Variants in EML3 observed in about 807,000 individuals in gnomAD.
EML3 encodes the protein EMAP like 3.
In EML3, 53 loss-of-function variants were observed where a neutral mutation model predicts 106.7. That is an observed-to-expected ratio of 0.50 (90% CI 0.40 to 0.62). The LOEUF (loss-of-function observed/expected upper bound fraction) is 0.62. Among genes scored for constraint, EML3 ranks in the 20% least tolerant of loss-of-function variants. EML3 has a pLI of 0.00. For missense variants in EML3, 994 were observed against 1,209.1 expected, an observed-to-expected ratio of 0.82 and a Z score of 2.64; for synonymous variants, 499 against 489.6, an observed-to-expected ratio of 1.02 and a Z score of -0.25.
rs1274925960 is a variant in EML3, at chr11:62,607,096, A to G, written c.1366T>C (p.Tyr456His). 6.2e-7 allele frequency: 1 copy of G among 1,613,748 alleles called. No individual in the cohort carries two copies. Residue 456 changes from tyrosine (Y) to histidine (H), a missense_variant, in exon 12 of 22, where the codon TAC becomes CAC. By Grantham distance (83) the Tyr-to-His change is moderately conservative (BLOSUM62 2). Transcript: ENST00000394773. Reference sequence around the variant, plus strand: ...CAAGGGATAAACTTGGGTTTCTTGTATTTCTAGTGGGAGGGGAGAGCAGAC... The same window carrying G: ...CAAGGGATAAACTTGGGTTTCTTGTGTTTCTAGTGGGAGGGGAGAGCAGAC... ...LTRKQGVFGK[Y>H]KKPKFIPCFV...
At position 62,604,168 on chromosome 11, in the gene EML3, G is replaced by A. The variant is rs764514070; in HGVS notation, c.2016C>T (p.Ile672=). The A allele has an allele frequency of 6.2e-6, 10 of 1,613,754 alleles. No homozygotes were observed. The highest frequency in any genetic ancestry group is 3.3e-5 in the South Asian group (3 of 91,044). Residue 672 remains isoleucine, a synonymous_variant, in exon 17 of 22, where the codon ATC becomes ATT. Coordinates refer to ENST00000394773, the MANE Select transcript of EML3 (RefSeq NM_153265.3). ...CATTGCCATCAATGACATCAGACAC[G>A]ATCTCTCTGGTCTCTGTGTCCAAAA... ...WLVLDTETRE[I]VSDVIDGNEQ...
rs138198368 is a variant in EML3, at chr11:62,608,578, G to A, written c.1074C>T (p.Phe358=). 7.4e-6 allele frequency: 12 copies of A among 1,614,022 alleles called. No individual in the cohort carries two copies. The African/African-American group carries it at 9.3e-5, about 13-fold the overall frequency. The change falls in exon 9 of 22, where the codon TTC becomes TTT. Residue 358 remains phenylalanine, a synonymous_variant. Coordinates refer to ENST00000394773, the MANE Select transcript of EML3 (RefSeq NM_153265.3). ...LKLQEIGLGA[F]ERGVGALAFS... ...AGGCCAGGGCCCCAACACCCCGCTC[G>A]AAGGCCCCCAGTCCAATCTCCTGCA... is the stretch of plus-strand genomic sequence containing the variant.
intron 1 of EML3, 127 bp downstream of exon 1, chr11:62,612,309 G>A (rs1942871584): frequency 1.1e-6 from 1 of 930,578 alleles, no homozygotes; most frequent in Non-Finnish European, 1.6e-6. Context: ...AACTGTGGAG[G>A]ATGCTCGGAG....
chr11:62,606,152 G>A lies in EML3; in HGVS notation c.1567C>T (p.Arg523Trp), dbSNP rs762775845. The change falls in exon 13 of 22, where the codon CGG becomes TGG. Residue 523 changes from arginine to tryptophan, a missense_variant. By Grantham distance (101) the Arg-to-Trp change is moderately radical. Coordinates refer to ENST00000394773, the MANE Select transcript of EML3 (RefSeq NM_153265.3). The stretch of plus-strand genomic sequence containing the variant: ...CCACTCAGCACTGTCCCGTCCCTCC[G>A]GAGACACAAGGCGAAGATAGAACCT... ...HEGSIFALCLRRDGTVLSGGG... is the reference protein window; with the variant it reads ...HEGSIFALCLWRDGTVLSGGG... 1.1e-5 allele frequency: 17 copies of A among 1,613,982 alleles called. No individual in the cohort carries two copies. Among genetic ancestry groups the A allele is most frequent in the Admixed American group, 1.7e-5 (1 of 60,002 alleles).
In EML3 at chr11:62,606,944, T is replaced by G. The variant is rs760951146; in HGVS notation, c.1504+14A>C. The G allele has an allele frequency of 1.3e-6, 2 of 1,584,154 alleles. No individual in the cohort carries two copies. Among genetic ancestry groups the G allele is most frequent in the Non-Finnish European group, 1.7e-6 (2 of 1,160,306 alleles). On this transcript the variant is annotated intron_variant, in intron 12 of 21. Coordinates refer to ENST00000394773, the MANE Select transcript of EML3 (RefSeq NM_153265.3). ...GAGTACTACACTTCCCAGATGCCCC[T>G]CCCAGCCACATACCTTTGGCGCCAC...
chr11:62,612,115 T>G (rs1291874310), intron 1 of EML3: 2 of 468,472 alleles, frequency 4.3e-6, no homozygotes, highest in Non-Finnish European at 7.6e-6. Flanking sequence ...AGAGTCACAG[T>G]GAAGGTCTCA....
At chr11:62,611,751 G>T in intron 1 of EML3, 155 bp from the exon 2 acceptor site, 1 of 859,420 alleles carries the variant, frequency 1.2e-6, no homozygotes, top group Non-Finnish European at 1.7e-6. Flanking sequence ...AGGAGACGGT[G>T]GTAAAGGATC....
chr11:62,612,439 GC>G lies in EML3; in HGVS notation c.18del (p.Gly8ValfsTer12). On this transcript the variant is annotated frameshift_variant, in exon 1 of 22. Coordinates refer to ENST00000394773, the MANE Select transcript of EML3 (RefSeq NM_153265.3). LOFTEE classifies it high-confidence loss of function. Reference protein sequence around the residue: MDGAAGPGDGPAREAL... With the variant: MDGAAXPGDGPAREAL... ...GCCCGCCCCGCCCCGTACTCACCGG[GC>G]CCCGCGGCCCCGTCCATCCGGCCCC... 1 of 1,468,410 alleles carries G rather than the reference GC, an allele frequency of 6.8e-7. No homozygotes were observed. The highest frequency in any genetic ancestry group is 8.9e-7 in the Non-Finnish European group (1 of 1,118,448). The allele number at this position is 1,468,410 out of a possible 1,614,324, so 91.0% of individuals were successfully genotyped here. A position where few individuals can be genotyped will look rare whatever the true frequency, so the allele number is the denominator to read the frequency against.
chr11:62,603,328 A>T, intron 19 of EML3, 81 bp from the exon 20 acceptor site: 4 of 1,358,480 alleles, frequency 2.9e-6, no homozygotes, highest in Non-Finnish European at 4.2e-6. Flanking sequence ...GACTGGAAAG[A>T]CTGGCATGAA....
chr11:62,607,859 T>C (rs1440120988), intron 10 of EML3, 38 bp from the exon 11 acceptor site: 2 of 1,597,392 alleles, frequency 1.3e-6, no homozygotes, highest in African/African-American at 2.7e-5. Flanking sequence ...CCCCAAGCCC[T>C]GGGTACCTTC....
Position 62,603,259 on chromosome 11 carries a change from G to C in EML3, c.2258-12C>G. ...TCCAGCCACGTCCCCTGGGGAGAGGGAGCCCGCCCAGCTCAGCTCTCACCC... is the reference window on the plus strand; with the variant it reads ...TCCAGCCACGTCCCCTGGGGAGAGGCAGCCCGCCCAGCTCAGCTCTCACCC... On this transcript the variant is annotated splice_polypyrimidine_tract_variant and intron_variant, in intron 19 of 21. Coordinates refer to ENST00000394773, the MANE Select transcript of EML3 (RefSeq NM_153265.3). 5.0e-6 allele frequency: 8 copies of C among 1,611,834 alleles called. No homozygotes were observed. The highest frequency in any genetic ancestry group is 5.1e-6 in the Non-Finnish European group (6 of 1,179,370).
At chr11:62,609,173 G>A (rs1942684114) in intron 6 of EML3, 41 bp from the exon 7 acceptor site, 1 of 1,609,776 alleles carries the variant, frequency 6.2e-7, no homozygotes. Context: ...TTAGATCAAG[G>A]GCAGGAGGAG....
Position 62,604,025 on chromosome 11 carries a change from G to C in EML3, c.2088C>G (p.Ala696=), listed in dbSNP as rs1434363437. The change falls in exon 18 of 22, where the codon GCC becomes GCG. Residue 696 remains alanine, a synonymous_variant. Transcript: ENST00000394773. ...VRYSPDGLYL[A]IGSHDNVIYI... Reference sequence around the variant, plus strand: ...AGATCACGTTGTCATGGGAACCAATGGCCAGGTACAACCCATCTGCAAATA... The same window carrying C: ...AGATCACGTTGTCATGGGAACCAATCGCCAGGTACAACCCATCTGCAAATA... 6.2e-7 allele frequency: 1 copy of C among 1,614,016 alleles called. No homozygotes were observed. Among genetic ancestry groups the C allele is most frequent in the Non-Finnish European group, 8.5e-7 (1 of 1,180,018 alleles).
rs188386520 is a variant in EML3 at position 62,608,939 on chromosome 11, C to T, written c.929+23G>A. ...CCCCCCAGACCCTCTTCCTGCCAAG[C>T]CCACCAGCCCCGGACTCCTCACCAT... On this transcript the variant is annotated intron_variant, in intron 7 of 21. Coordinates refer to ENST00000394773, the MANE Select transcript of EML3 (RefSeq NM_153265.3). 1.1e-4 allele frequency: 180 copies of T among 1,610,382 alleles called. No individual in the cohort carries two copies. In the African/African-American group the frequency reaches 2.0e-3, roughly 18 times the overall value.
chr11:62,612,451 C>G lies in EML3; in HGVS notation c.7G>C (p.Gly3Arg). The G allele has an allele frequency of 1.4e-6, 2 of 1,462,866 alleles. No individual in the cohort carries two copies. Among genetic ancestry groups the G allele is most frequent in the Admixed American group, 2.5e-5 (1 of 39,222 alleles). 90.6% of individuals were successfully genotyped at this position (1,462,866 alleles called of 1,614,324 possible). Residue 3 changes from glycine to arginine, a missense_variant, in exon 1 of 22, where the codon GGG (glycine) becomes CGG (arginine). Gly to Arg is a moderately radical substitution (Grantham distance 125). Coordinates refer to ENST00000394773, the MANE Select transcript of EML3 (RefSeq NM_153265.3). MD[G>R]AAGPGDGPAR... ...CCGTACTCACCGGGCCCCGCGGCCC[C>G]GTCCATCCGGCCCCCGGGTTGCTCC... is the stretch of plus-strand genomic sequence containing the variant.
intron 12 of EML3, 51 bp from the exon 13 acceptor site, chr11:62,606,265 G>GA: frequency 6.3e-7 from 1 of 1,584,588 alleles, no homozygotes; most frequent in Non-Finnish European, 8.6e-7. Context: ...AGGGGAGTGA[G>GA]AAACAGGGCC....
At position 62,604,125 on chromosome 11, in the gene EML3, G is replaced by A. The variant is rs925982282; in HGVS notation, c.2059C>T (p.Arg687Trp). The A allele has an allele frequency of 6.8e-6, 11 of 1,613,986 alleles. No individual in the cohort carries two copies. The highest frequency in any genetic ancestry group is 1.6e-4 in the Middle Eastern group (1 of 6,062). ...IDGNEQLSVV[R>W]YSPDGLYLAI... is the part of the protein sequence containing the mutation. ...GGGTGGCTCCCACCTGGGCTGTACCGGACCACTGAGAGCTGCTCATTGCCA... is the reference window on the plus strand; with the variant it reads ...GGGTGGCTCCCACCTGGGCTGTACCAGACCACTGAGAGCTGCTCATTGCCA... Residue 687 changes from arginine to tryptophan, a missense_variant, in exon 17 of 22, where the codon CGG becomes TGG. Physicochemically the swap from Arg to Trp is moderately radical, Grantham distance 101 (BLOSUM62 -3). Transcript: ENST00000394773.
At chr11:62,602,979 G>A (rs1438193723) in intron 20 of EML3, 90 bp from the exon 21 acceptor site, 2 of 1,470,798 alleles carry the variant, frequency 1.4e-6, no homozygotes, top group Non-Finnish European at 1.8e-6. Context: ...GGCAGCCGCG[G>A]CCACCCACTG....
chr11:62,611,299 CAAGG>C lies in EML3; in HGVS notation c.236_239del (p.Ser79TrpfsTer2). ...TCTCCGTCTGGGTGCCTCGGCTCACCAAGGAAGGGGTGCACGTGGGTGGCAGTCC... is the reference window on the plus strand; with the variant it reads ...TCTCCGTCTGGGTGCCTCGGCTCACCAAGGGGTGCACGTGGGTGGCAGTCC... On this transcript the variant is annotated frameshift_variant, in exon 3 of 22. Transcript: ENST00000394773. LOFTEE classifies it high-confidence loss of function. 5 of 1,612,952 alleles carry C rather than the reference CAAGG, an allele frequency of 3.1e-6. 1 individual carries two copies. The highest frequency in any genetic ancestry group is 4.2e-6 in the Non-Finnish European group (5 of 1,179,892).
Sources: allele counts gnomAD v4.1 joint callset, GRCh38; gene constraint gnomAD v4.1.1; transcripts MANE v1.5; gene names NCBI Gene and HGNC (gene_info 2026-07-23, HGNC 2026-07-21).